The following USP32 variants were observed in gnomAD, a reference collection of about 807,000 sequenced individuals.
USP32 encodes the protein ubiquitin carboxyl-terminal hydrolase 32.
Under a neutral mutation model 204.8 loss-of-function variants are expected in USP32, and 59 were observed. The ratio of observed to expected loss-of-function variants is 0.29; its 90% CI spans 0.23 to 0.36. The LOEUF (loss-of-function observed/expected upper bound fraction) is 0.36. Among genes scored for constraint, USP32 ranks in the 10% least tolerant of loss-of-function variants. The probability of loss-of-function intolerance (pLI) is 1.00; values close to 1 mark genes in which losing one functional copy is unlikely to be tolerated. For synonymous variants in USP32, 517 were observed against 678.4 expected (o/e 0.76, Z 3.70); for missense variants, 1,160 against 1,946.4 (o/e 0.60, Z 7.60).
intron 2 of USP32, among the ~76,000 whole-genome samples, chr17:60,345,165 C>A (rs544409921): frequency 6.6e-6 from 1 of 152,152 alleles, no homozygotes; most frequent in African/African-American, 2.4e-5. Context: ...ATATTTGCAA[C>A]ATAAAAATTT....
At chr17:60,185,685 G>A (rs375344640) in intron 29 of USP32, 34 bp from the exon 30 acceptor site, 33 of 1,586,998 alleles carry the variant, frequency 2.1e-5, no homozygotes, top group Middle Eastern at 2.3e-4. Flanking sequence ...AAAGGGGTGC[G>A]TGGGAAGGCA....
At chr17:60,340,998 C>A (rs1302340052) in intron 2 of USP32, among the ~76,000 whole-genome samples, 1 of 151,910 alleles carries the variant, frequency 6.6e-6, no homozygotes, top group East Asian at 1.9e-4. Context: ...AATATTGGCC[C>A]CCACTCTCTT....
intron 5 of USP32, among the ~76,000 whole-genome samples, chr17:60,271,942 G>C (rs2086733572): frequency 6.6e-6 from 1 of 151,776 alleles, no homozygotes; most frequent in African/African-American, 2.4e-5. Flanking sequence ...CTCCCAAGTA[G>C]CTAGGACTAC....
At chr17:60,420,374 A>G (rs2090100996) in intron 1 of USP32, among the ~76,000 whole-genome samples, 1 of 152,200 alleles carries the variant, frequency 6.6e-6, no homozygotes, top group African/African-American at 2.4e-5. Flanking sequence ...TTTTTAAAAA[A>G]GACTCTTTCC....
intron 30 of USP32, among the ~76,000 whole-genome samples, chr17:60,184,834 T>C: frequency 6.9e-6 from 1 of 144,040 alleles, no homozygotes; most frequent in East Asian, 2.0e-4. Flanking sequence ...AAAAAACATA[T>C]AAATATCTGA....
At chr17:60,308,381 T>C (rs972906727) in intron 2 of USP32, among the ~76,000 whole-genome samples, 3 of 152,056 alleles carry the variant, frequency 2.0e-5, no homozygotes, top group East Asian at 3.9e-4. Context: ...CCCTAAAGGT[T>C]TGAACAGCAG....
At chr17:60,287,795 G>GA (rs1270706291) in intron 5 of USP32, among the ~76,000 whole-genome samples, 1 of 151,514 alleles carries the variant, frequency 6.6e-6, no homozygotes, top group Non-Finnish European at 1.5e-5. Context: ...ATTACATTTT[G>GA]AAAAAAACAA....
intron 3 of USP32, among the ~76,000 whole-genome samples, chr17:60,299,126 G>A (rs1219807499): frequency 2.0e-5 from 3 of 152,062 alleles, no homozygotes; most frequent in Non-Finnish European, 4.4e-5. Context: ...ACAGAGTAAG[G>A]CTCTCTCCTC....
chr17:60,290,408 A>G (rs781365107), intron 4 of USP32, among the ~76,000 whole-genome samples: 2 of 152,184 alleles, frequency 1.3e-5, no homozygotes, highest in Non-Finnish European at 2.9e-5. Context: ...ATATGAGTAC[A>G]CTGCCAACAT....
intron 2 of USP32, among the ~76,000 whole-genome samples, chr17:60,344,325 T>C (rs1038454814): frequency 1.2e-4 from 18 of 152,038 alleles, no homozygotes; most frequent in South Asian, 6.2e-4. Flanking sequence ...AAATGGTGTT[T>C]TACCATGTTG....
chr17:60,205,420 C>T (rs765381930), intron 26 of USP32, 27 bp downstream of exon 26: 1 of 1,601,392 alleles, frequency 6.2e-7, no homozygotes, highest in African/African-American at 1.3e-5. Context: ...GCAAGACTGG[C>T]AGTGAGTTGC....
intron 10 of USP32, 123 bp downstream of exon 10, chr17:60,255,037 GTAATGTAGTTCTTTT>G (rs2086258846): frequency 3.4e-6 from 2 of 583,916 alleles, no homozygotes; most frequent in African/African-American, 4.0e-5. Flanking sequence ...TTTCAGACGA[GTAATGTAGTTCTTTT>G]TTTTTTTTTT....
At chr17:60,375,649 G>C (rs1302725206) in intron 1 of USP32, among the ~76,000 whole-genome samples, 1 of 152,178 alleles carries the variant, frequency 6.6e-6, no homozygotes, top group East Asian at 1.9e-4. Context: ...TGTCGCTCAG[G>C]CTGGAGTGCA....
In USP32 at chr17:60,199,147, A is replaced by G. The variant is rs763050423; in HGVS notation, c.3250-703T>C. Among the ~76,000 whole-genome samples, 8 of 101,228 alleles carry G rather than the reference A, an allele frequency of 7.9e-5. 1 individual carries two copies. Among genetic ancestry groups the G allele is most frequent in the South Asian group, 7.8e-4 (3 of 3,848 alleles). The allele number at this position is 101,228 out of a possible 152,430, so 66.4% of individuals were successfully genotyped here. A position where few individuals can be genotyped will look rare whatever the true frequency, so the allele number is the denominator to read the frequency against. Reference sequence around the variant, plus strand: ...AAAAGAAATGAAAAGATGCCAGTGGAAAAAAAAAAAAAAGACTCTCTCAAC... The same window carrying G: ...AAAAGAAATGAAAAGATGCCAGTGGGAAAAAAAAAAAAAGACTCTCTCAAC... On this transcript the variant is annotated intron_variant, in intron 26 of 33. Transcript: ENST00000300896.
chr17:60,400,380 T>G (rs572125936), intron 1 of USP32, among the ~76,000 whole-genome samples: 1 of 152,172 alleles, frequency 6.6e-6, no homozygotes, highest in Admixed American at 6.5e-5. Context: ...ACTGCATTAA[T>G]CCAGGCGTGA....
intron 26 of USP32, among the ~76,000 whole-genome samples, chr17:60,203,934 T>C (rs530607345): frequency 1.9e-3 from 289 of 152,280 alleles, no homozygotes; most frequent in Non-Finnish European, 3.2e-3. Context: ...AGCTATCTAG[T>C]GGCAGAATTA....
chr17:60,372,996 C>G (rs1329443061), intron 1 of USP32, among the ~76,000 whole-genome samples: 3 of 151,774 alleles, frequency 2.0e-5, no homozygotes, highest in African/African-American at 7.3e-5. Flanking sequence ...GAGGTCTCTA[C>G]AAAACATAAA....
At chr17:60,346,869 A>G (rs1156343176) in intron 1 of USP32, among the ~76,000 whole-genome samples, 1 of 152,260 alleles carries the variant, frequency 6.6e-6, no homozygotes, top group Non-Finnish European at 1.5e-5. Flanking sequence ...AATGTATCAT[A>G]AAAGTATCTT....
chr17:60,247,603 T>C (rs745457397), intron 11 of USP32, among the ~76,000 whole-genome samples: 4 of 152,252 alleles, frequency 2.6e-5, no homozygotes, highest in African/African-American at 7.2e-5. Context: ...CTTTCTCTAA[T>C]GTATGCTCTT....
Sources: gnomAD v4.1 joint callset for allele counts (sites outside exome capture counted in the v4.1 genomes callset) on GRCh38, gnomAD v4.1.1 for gene constraint, MANE v1.5 for transcripts, NCBI Gene and HGNC (gene_info 2026-07-23, HGNC 2026-07-21) for gene names.